Variants in FAT2 observed in about 807,000 individuals in gnomAD.
The protein encoded by FAT2 is FAT atypical cadherin 2, also known as protocadherin Fat 2.
FAT2 carries 150 observed loss-of-function variants against 295.3 expected under a neutral mutation model. That is an observed-to-expected ratio of 0.51 (90% CI 0.44 to 0.58). The LOEUF (loss-of-function observed/expected upper bound fraction) is 0.58. Among genes scored for constraint, FAT2 ranks in the 20% least tolerant of loss-of-function variants. The probability of loss-of-function intolerance (pLI) is 0.00; values close to 1 mark genes in which losing one functional copy is unlikely to be tolerated. For synonymous variants in FAT2, 2,026 were observed against 2,150.3 expected (o/e 0.94, Z 1.60); for missense variants, 4,868 against 5,442.7 (o/e 0.89, Z 3.32).
In FAT2 at chr5:151,544,896, T is replaced by A. The variant is rs761693810; in HGVS notation, c.6231A>T (p.Thr2077=). The A allele has an allele frequency of 3.1e-5, 50 of 1,614,026 alleles. No homozygotes were observed. Among genetic ancestry groups the A allele is most frequent in the Non-Finnish European group, 4.2e-5 (50 of 1,180,040 alleles). ...PPKFKHLPYY[T]IIQDGTEPGD... ...CTGGCTCTGTGCCATCTTGGATGAT[T>A]GTGTAATAGGGCAGATGCTTAAATT... Residue 2077 remains threonine, a synonymous_variant, in exon 10 of 24, where the codon ACA becomes ACT. Coordinates refer to ENST00000261800, the MANE Select transcript of FAT2 (RefSeq NM_001447.3).
At chr5:151,524,356 A>G (rs1340116103) in intron 18 of FAT2, among the ~76,000 whole-genome samples, 1 of 152,132 alleles carries the variant, frequency 6.6e-6, no homozygotes, top group Non-Finnish European at 1.5e-5. Context: ...CAAAATTCAT[A>G]TGTTAAAATC....
In FAT2 at chr5:151,543,567, G is replaced by A. The variant is rs2127607864; in HGVS notation, c.7560C>T (p.Ile2520=). The A allele has an allele frequency of 4.3e-6, 7 of 1,614,138 alleles. No homozygotes were observed. Among genetic ancestry groups the A allele is most frequent in the East Asian group, 2.2e-5 (1 of 44,886 alleles). Residue 2520 remains isoleucine (I), a synonymous_variant, in exon 10 of 24, where the codon ATC becomes ATT. Coordinates refer to ENST00000261800, the MANE Select transcript of FAT2 (RefSeq NM_001447.3). ...SGPYGTIDYT[I]INKLASEKFS... ...ACTTCTCACTTGCTAGTTTATTGAT[G>A]ATAGTATAATCTATAGTGCCATAGG...
In FAT2 at chr5:151,567,940, A is replaced by T. The variant is rs780203146; in HGVS notation, c.992T>A (p.Leu331His). The stretch of plus-strand genomic sequence containing the variant: ...GCTCCCACTCCTGGCCTGGAGGCTG[A>T]GGTTGAACCCATGAAGGTACTCCAT... ...NWMEYLHGFN[L>H]SLQARSGSGP... is the part of the protein sequence containing the mutation. Residue 331 changes from leucine to histidine, a missense_variant, in exon 2 of 24, where the codon CTC becomes CAC. By Grantham distance (99) the Leu-to-His change is moderately conservative. Around this residue, in one of 5 missense-constraint regions of FAT2, gnomAD observed 3,297 missense variants for 3,669.4 expected, o/e 0.90. Transcript: ENST00000261800. 2 of 1,614,214 alleles carry T rather than the reference A, an allele frequency of 1.2e-6. No individual in the cohort carries two copies. Among genetic ancestry groups the T allele is most frequent in the Non-Finnish European group, 1.7e-6 (2 of 1,180,040 alleles).
chr5:151,532,118 T>G, intron 13 of FAT2, 148 bp from the exon 14 acceptor site: 3 of 1,014,994 alleles, frequency 3.0e-6, no homozygotes, highest in Non-Finnish European at 4.3e-6. Flanking sequence ...TGAGGGTCTC[T>G]CCAGCGGGGT....
intron 12 of FAT2, 56 bp from the exon 13 acceptor site, chr5:151,534,698 T>A (rs563659798): frequency 3.9e-5 from 58 of 1,479,328 alleles, no homozygotes; most frequent in Non-Finnish European, 5.4e-5. Context: ...TACCCAAGCA[T>A]GTGCCCTCTA....
At chr5:151,565,583 C>A in intron 2 of FAT2, 90 bp downstream of exon 2, 1 of 1,325,358 alleles carries the variant, frequency 7.5e-7, no homozygotes, top group East Asian at 2.4e-5. Flanking sequence ...CAGGCTGACT[C>A]CTTTTTCCTT....
chr5:151,559,242 T>C (rs1316863560), intron 3 of FAT2, among the ~76,000 whole-genome samples: 2 of 152,200 alleles, frequency 1.3e-5, no homozygotes, highest in Non-Finnish European at 2.9e-5. Flanking sequence ...CGCAAGTCAT[T>C]CCGGCTTTTT....
chr5:151,545,349 A>T lies in FAT2; in HGVS notation c.5778T>A (p.Ser1926=). Residue 1926 remains serine (S), a synonymous_variant, in exon 10 of 24, where the codon TCT becomes TCA. Transcript: ENST00000261800. ...GTCCCAGGAAAGCAGGATTCAGCAC[A>T]GATATGCTACCAGTGACAGGATGGA... The part of the protein sequence containing the change: ...VTIHPVTGSI[S]VLNPAFLGLS... The T allele has an allele frequency of 6.2e-7, 1 of 1,614,194 alleles. No individual in the cohort carries two copies. The highest frequency in any genetic ancestry group is 8.5e-7 in the Non-Finnish European group (1 of 1,180,032).
rs1757693490 is a variant in FAT2, at chr5:151,556,347, C to T, written c.3630G>A (p.Leu1210=). The T allele has an allele frequency of 5.6e-6, 9 of 1,612,872 alleles. No individual in the cohort carries two copies. The highest frequency in any genetic ancestry group is 1.3e-5 in the African/African-American group (1 of 75,034). ...TGGATTCACCACCATTACTTACCTC[C>T]AGGATGTGTTCATCCTTGTTCTCTC... The part of the protein sequence containing the change: ...LDRENKDEHI[L]EVTVLDNGEP... Residue 1210 remains leucine, a synonymous_variant, in exon 4 of 24, where the codon CTG becomes CTA. Transcript: ENST00000261800.
In FAT2 at chr5:151,546,297, G is replaced by GCCTA; in HGVS notation, c.4826_4829dup (p.Ile1611ArgfsTer10). On this transcript the variant is annotated frameshift_variant, in exon 10 of 24. Transcript: ENST00000261800. LOFTEE classifies it high-confidence loss of function. ...CAAGCTTTTGAGCTAGAGTAATGAT[G>GCCTA]CCTAGCAGGGCATTGATGTTGAAGA... The GCCTA allele has an allele frequency of 6.2e-7, 1 of 1,613,796 alleles. No homozygotes were observed. Among genetic ancestry groups the GCCTA allele is most frequent in the Non-Finnish European group, 8.5e-7 (1 of 1,179,884 alleles).
chr5:151,520,492 A>G (rs749151075), intron 19 of FAT2, among the ~76,000 whole-genome samples: 4 of 152,090 alleles, frequency 2.6e-5, no homozygotes, highest in Admixed American at 1.3e-4. Flanking sequence ...TTTAGGTGAC[A>G]TCTACACAGA....
chr5:151,518,366 A>AT (rs771627224), intron 19 of FAT2, among the ~76,000 whole-genome samples: 13,617 of 139,708 alleles, frequency 0.097, 739 homozygotes, highest in East Asian at 0.25. Context: ...AATAATAATA[A>AT]TAATAATAAT....
chr5:151,566,295 T>C lies in FAT2; in HGVS notation c.2637A>G (p.Gly879=). 2 of 1,614,076 alleles carry C rather than the reference T, an allele frequency of 1.2e-6. No individual in the cohort carries two copies. Among genetic ancestry groups the C allele is most frequent in the Non-Finnish European group, 1.7e-6 (2 of 1,180,006 alleles). ...HPLTGELVVT[G]HLDRESEPRY... ...GAGGCTCTGATTCGCGGTCCAGGTGTCCTGTAACAACCAGTTCCCCAGTGA... is the reference window on the plus strand; with the variant it reads ...GAGGCTCTGATTCGCGGTCCAGGTGCCCTGTAACAACCAGTTCCCCAGTGA... The change falls in exon 2 of 24, where the codon GGA becomes GGG. Residue 879 remains glycine, a synonymous_variant. Transcript: ENST00000261800.
chr5:151,516,668 C>G (rs116273385), intron 20 of FAT2, among the ~76,000 whole-genome samples: 1,560 of 152,272 alleles, frequency 0.01, 28 homozygotes, highest in African/African-American at 0.036. Context: ...CCCCATAGAA[C>G]AAAAGCTTTA....
intron 5 of FAT2, 78 bp from the exon 6 acceptor site, chr5:151,553,465 A>G: frequency 7.8e-7 from 1 of 1,279,548 alleles, no homozygotes; most frequent in Non-Finnish European, 1.1e-6. Flanking sequence ...CAGGAACCAG[A>G]GCGTCCTGTG....
chr5:151,506,128 C>G, intron 23 of FAT2, 31 bp from the exon 24 acceptor site: 2 of 1,492,448 alleles, frequency 1.3e-6, no homozygotes, highest in Non-Finnish European at 1.8e-6. Context: ...AGGGTGAGCT[C>G]ATTTTCTCCC....
At chr5:151,533,148 T>C (rs1451859447) in intron 13 of FAT2, among the ~76,000 whole-genome samples, 2 of 152,038 alleles carry the variant, frequency 1.3e-5, no homozygotes, top group Non-Finnish European at 2.9e-5. Context: ...ATGACAGATG[T>C]CCCACTTGAT....
intron 12 of FAT2, among the ~76,000 whole-genome samples, chr5:151,535,405 G>T (rs1755160445): frequency 6.6e-6 from 1 of 152,022 alleles, no homozygotes; most frequent in Non-Finnish European, 1.5e-5. Flanking sequence ...ATACCCTGGG[G>T]GAAATAATGC....
At chr5:151,549,235 C>T (rs754984961) in intron 9 of FAT2, 60 bp downstream of exon 9, 55 of 1,524,954 alleles carry the variant, frequency 3.6e-5, no homozygotes, top group Non-Finnish European at 4.6e-5. Flanking sequence ...GCCTCTAGTG[C>T]TTTCCTTTAT....
Sources: gnomAD v4.1 joint callset for allele counts (sites outside exome capture counted in the v4.1 genomes callset) on GRCh38, gnomAD v4.1.1 for gene constraint, gnomAD v4.1.1 regional missense constraint, MANE v1.5 for transcripts, NCBI Gene and HGNC (gene_info 2026-07-23, HGNC 2026-07-21) for gene names.